EXD3: variants seen among roughly 807,000 people sequenced by gnomAD.
EXD3 encodes exonuclease 3'-5' domain containing 3.
A neutral mutation model predicts 98.0 loss-of-function variants in EXD3; 92 were observed. The ratio of observed to expected loss-of-function variants is 0.94; its 90% CI spans 0.79 to 1.12. EXD3 has a LOEUF of 1.12. Among genes scored for constraint, EXD3 ranks in the 50% most tolerant of loss-of-function variants. EXD3 has a pLI of 0.00. For synonymous variants in EXD3, 569 were observed against 526.0 expected (o/e 1.08, Z -1.12); for missense variants, 1,222 against 1,191.6 (o/e 1.03, Z -0.38).
At chr9:137,320,610 G>A (rs569660708) in intron 19 of EXD3, among the ~76,000 whole-genome samples, 3 of 152,240 alleles carry the variant, frequency 2.0e-5, no homozygotes, top group South Asian at 2.1e-4. Flanking sequence ...GGGTCAGGGC[G>A]GCCCCCACTG....
Position 137,386,166 on chromosome 9 carries a change from C to T in EXD3, c.56-2789G>A, listed in dbSNP as rs370238861. 1.5e-3 allele frequency among the ~76,000 whole-genome samples: 227 copies of T among 152,020 alleles called. 3 individuals carry two copies. In the South Asian group the frequency reaches 0.022, roughly 14 times the overall value. ...ATAAAATTAGCTGGGCATGGTGGCG[C>T]TCCTGAGGTCCCAGCCACTTGGGAG... On this transcript the variant is annotated intron_variant, in intron 2 of 21. Transcript: ENST00000340951.
rs757405748 is a variant in EXD3 at position 137,351,375 on chromosome 9, G to C, written c.1327C>G (p.Gln443Glu). Residue 443 changes from glutamine (Q) to glutamate (E), a missense_variant, in exon 13 of 22, where the codon CAG becomes GAG. Transcript: ENST00000340951. ...TGGGCCACCAGCCGGGAAAAGGCCT[G>C]GGCTCCCTGCCCTGTTGGTGGCTGC... ...LSQPPTGQGA[Q>E]AFSRLVAQLL... 2.5e-6 allele frequency: 4 copies of C among 1,611,548 alleles called. No individual in the cohort carries two copies. The highest frequency in any genetic ancestry group is 8.5e-7 in the Non-Finnish European group (1 of 1,179,526).
At chr9:137,408,546 CAAAA>C (rs570243090) in intron 1 of EXD3, among the ~76,000 whole-genome samples, 10 of 44,508 alleles carry the variant, frequency 2.2e-4, no homozygotes, top group African/African-American at 9.6e-4. Flanking sequence ...GACTCTGCCT[CAAAA>C]AAAAAAAAAA....
At chr9:137,316,606 C>G (rs567800920) in intron 19 of EXD3, among the ~76,000 whole-genome samples, 2 of 152,236 alleles carry the variant, frequency 1.3e-5, no homozygotes, top group Non-Finnish European at 2.9e-5. Flanking sequence ...GTGATGGTCC[C>G]GCCATCGACT....
chr9:137,367,454 CTG>C (rs1412045664), intron 6 of EXD3: 1 of 157,536 alleles, frequency 6.3e-6, no homozygotes, highest in East Asian at 1.9e-4. Flanking sequence ...CCTTGTGTCC[CTG>C]TGATGTGCAC....
chr9:137,395,469 G>T lies in EXD3; in HGVS notation c.-47-65C>A. 1 of 1,475,970 alleles carries T rather than the reference G, an allele frequency of 6.8e-7. No individual in the cohort carries two copies. The highest frequency in any genetic ancestry group is 9.3e-7 in the Non-Finnish European group (1 of 1,075,656). The allele number at this position is 1,475,970 out of a possible 1,614,324, so 91.4% of individuals were successfully genotyped here. A position where few individuals can be genotyped will look rare whatever the true frequency, so the allele number is the denominator to read the frequency against. On this transcript the variant is annotated intron_variant, in intron 1 of 21. Transcript: ENST00000340951. This position sits in a 1 kb window ranked among gnomAD's most constrained non-coding sequence, Gnocchi z 6.5. ...CAACAGGCAGCCATGCAGAGCCCAC[G>T]CCCACAGCCCCTGGAGGTGGTGGAG...
chr9:137,354,210 G>GA (rs1834481347), intron 10 of EXD3, 129 bp downstream of exon 10: 1 of 1,476,238 alleles, frequency 6.8e-7, no homozygotes. Context: ...CCCCAACATG[G>GA]GGTCTGGGCT....
At position 137,324,859 on chromosome 9, in the gene EXD3, AT is replaced by A. The variant is rs1386032710; in HGVS notation, c.1999-717del. 6.6e-6 allele frequency among the ~76,000 whole-genome samples: 1 copy of A among 151,882 alleles called. No individual in the cohort carries two copies. The highest frequency in any genetic ancestry group is 1.5e-5 in the Non-Finnish European group (1 of 67,994). On this transcript the variant is annotated intron_variant, in intron 17 of 21. Coordinates refer to ENST00000340951, the MANE Select transcript of EXD3 (RefSeq NM_017820.5). This position sits in a 1 kb window ranked among gnomAD's most constrained non-coding sequence, Gnocchi z 4.1. ...AGGCGCCAGCCACCGTGCCTGGCTA[AT>A]TTTTTGTATTTTTAGTAGAGACGGG...
chr9:137,376,275 C>T (rs112336101), intron 3 of EXD3, among the ~76,000 whole-genome samples: 3,684 of 136,016 alleles, frequency 0.027, 127 homozygotes, highest in African/African-American at 0.096. Context: ...ACCCAGGAGG[C>T]GGAGCTTGCA....
At chr9:137,330,384 C>G (rs930674761) in intron 17 of EXD3, among the ~76,000 whole-genome samples, 5 of 143,034 alleles carry the variant, frequency 3.5e-5, no homozygotes, top group Non-Finnish European at 7.6e-5. Context: ...CTACACAGGA[C>G]TACACAGGAG....
chr9:137,370,734 A>G (rs978232362), intron 5 of EXD3, among the ~76,000 whole-genome samples: 3 of 149,538 alleles, frequency 2.0e-5, no homozygotes, highest in African/African-American at 7.4e-5. Flanking sequence ...TCGAAGGCCG[A>G]GGACCCCAGC....
Position 137,324,669 on chromosome 9 carries a change from A to C in EXD3, c.1999-526T>G, listed in dbSNP as rs953783403. Among the ~76,000 whole-genome samples, 9 of 152,190 alleles carry C rather than the reference A, an allele frequency of 5.9e-5. No homozygotes were observed. The highest frequency in any genetic ancestry group is 2.2e-4 in the African/African-American group (9 of 41,440). ...GTGAGTATGAGAGTTTTCAGCTGAC[A>C]AAGGAGATACAAAATTAAAATTAAG... On this transcript the variant is annotated intron_variant, in intron 17 of 21. Coordinates refer to ENST00000340951, the MANE Select transcript of EXD3 (RefSeq NM_017820.5). The surrounding 1 kb of genome is among the most constrained non-coding windows in gnomAD (Gnocchi z 4.1).
rs1280411452 is a variant in EXD3, at chr9:137,352,451, G to C, written c.1037+169C>G. ...CATGGATCTGGCAGCAGAGGAGGAG[G>C]GCTGGGCCCTGCTGTCTTGTCTGCT... On this transcript the variant is annotated intron_variant, in intron 11 of 21. Coordinates refer to ENST00000340951, the MANE Select transcript of EXD3 (RefSeq NM_017820.5). 2.0e-5 allele frequency among the ~76,000 whole-genome samples: 3 copies of C among 152,178 alleles called. No individual in the cohort carries two copies. The East Asian group carries it at 5.8e-4, about 29-fold the overall frequency.
intron 3 of EXD3, among the ~76,000 whole-genome samples, chr9:137,382,328 C>T (rs910275325): frequency 1.3e-5 from 2 of 150,028 alleles, no homozygotes; most frequent in East Asian, 4.0e-4. Flanking sequence ...GACGCCAGGA[C>T]GAATGTCAGG....
intron 8 of EXD3, 110 bp from the exon 9 acceptor site, chr9:137,354,883 C>G (rs923288365): frequency 9.3e-7 from 1 of 1,077,898 alleles, no homozygotes; most frequent in African/African-American, 1.6e-5. Context: ...CCTTCACCGT[C>G]CTCCACCTCT....
chr9:137,415,443 C>T (rs1838194016), intron 1 of EXD3, among the ~76,000 whole-genome samples: 1 of 152,170 alleles, frequency 6.6e-6, no homozygotes, highest in Admixed American at 6.5e-5. Flanking sequence ...ATCAGCCTGC[C>T]TCGGTCTCCT....
chr9:137,388,054 T>C (rs28483507), intron 2 of EXD3, among the ~76,000 whole-genome samples: 54,126 of 152,058 alleles, frequency 0.36, 12,929 homozygotes, highest in African/African-American at 0.69. Context: ...AGCTGTGTAT[T>C]AGGAGGACAC....
In EXD3 at chr9:137,347,046, C is replaced by T. The variant is rs1833975020; in HGVS notation, c.1998+1025G>A. Among the ~76,000 whole-genome samples, 1 of 152,182 alleles carries T rather than the reference C, an allele frequency of 6.6e-6. No individual in the cohort carries two copies. The highest frequency in any genetic ancestry group is 1.5e-5 in the Non-Finnish European group (1 of 68,030). Reference sequence around the variant, plus strand: ...GGCCAGGCTGGTCTTGAACCCCTGACCTTGTGATCCACCCGCCTCGGCCTC... The same window carrying T: ...GGCCAGGCTGGTCTTGAACCCCTGATCTTGTGATCCACCCGCCTCGGCCTC... On this transcript the variant is annotated intron_variant, in intron 17 of 21. Transcript: ENST00000340951. This position sits in a 1 kb window ranked among gnomAD's most constrained non-coding sequence, Gnocchi z 4.2.
rs576126353 is a variant in EXD3, at chr9:137,352,613, C to T, written c.1037+7G>A. On this transcript the variant is annotated splice_region_variant and intron_variant, in intron 11 of 21. Coordinates refer to ENST00000340951, the MANE Select transcript of EXD3 (RefSeq NM_017820.5). ...CCCCTGGCTGGGGTCACCCTGGCGG[C>T]GCTCACCTCCCCTGGAGCCTGAACC... The T allele has an allele frequency of 3.0e-5, 46 of 1,536,440 alleles. No homozygotes were observed. Among genetic ancestry groups the T allele is most frequent in the East Asian group, 2.9e-4 (12 of 40,722 alleles).
Sources: allele counts gnomAD v4.1 joint callset (sites outside exome capture counted in the v4.1 genomes callset), GRCh38; gene constraint gnomAD v4.1.1; non-coding constraint Gnocchi (gnomAD v3.1); transcripts MANE v1.5; gene names NCBI Gene and HGNC (gene_info 2026-07-23, HGNC 2026-07-21).